The following SEMA6A variants were observed in gnomAD, a reference collection of about 807,000 sequenced individuals.
The protein encoded by SEMA6A is semaphorin-6A.
In SEMA6A, 25 loss-of-function variants were observed where a neutral mutation model predicts 96.8. The ratio of observed to expected loss-of-function variants is 0.26; its 90% CI spans 0.19 to 0.36. The LOEUF is 0.36. Among genes scored for constraint, SEMA6A ranks in the 10% least tolerant of loss-of-function variants. The probability of loss-of-function intolerance (pLI) is 1.00; values close to 1 mark genes in which losing one functional copy is unlikely to be tolerated. For missense variants in SEMA6A, 1,363 were observed against 1,323.1 expected, an observed-to-expected ratio of 1.03 and a Z score of -0.47; for synonymous variants, 612 against 518.0, an observed-to-expected ratio of 1.18 and a Z score of -2.46.
rs140165681 is a variant in SEMA6A, at chr5:116,446,440, C to T, written c.*173G>A. ...CGTTGCAAACCTTCACCAAACCACGCGGCCCAGTTTTCGTGAGTACCCCTG... is the reference window on the plus strand; with the variant it reads ...CGTTGCAAACCTTCACCAAACCACGTGGCCCAGTTTTCGTGAGTACCCCTG... On this transcript the variant is annotated 3_prime_UTR_variant, in exon 19 of 19. Transcript: ENST00000343348. The T allele has an allele frequency of 2.6e-3, 1,384 of 526,378 alleles. 5 individuals are homozygous for T. The highest frequency in any genetic ancestry group is 0.015 in the African/African-American group (805 of 52,330). The allele number at this position is 526,378 out of a possible 1,614,324, so 32.6% of individuals were successfully genotyped here.
At chr5:116,463,018 G>A (rs59197344) in intron 18 of SEMA6A, among the ~76,000 whole-genome samples, 62,950 of 151,874 alleles carry the variant, frequency 0.41, 13,324 homozygotes, top group East Asian at 0.65. Context: ...ACTTTTCAAC[G>A]ATAAAATGTA....
Position 116,482,584 on chromosome 5 carries a change from T to C in SEMA6A, c.963-9A>G. The C allele has an allele frequency of 6.2e-7, 1 of 1,613,224 alleles. No individual in the cohort carries two copies. On this transcript the variant is annotated splice_polypyrimidine_tract_variant and intron_variant, in intron 10 of 18. Coordinates refer to ENST00000343348, the MANE Select transcript of SEMA6A (RefSeq NM_020796.5). ...CTGCAGACCCAGGGATGCTACAACA[T>C]GATATTTCACATCAAGTGTTACTCA...
intron 6 of SEMA6A, 148 bp from the exon 7 acceptor site, chr5:116,491,978 T>A: frequency 3.1e-6 from 2 of 641,110 alleles, no homozygotes; most frequent in South Asian, 3.8e-5. Context: ...AAACTGTAGT[T>A]GAGAATCACA....
intron 1 of SEMA6A, among the ~76,000 whole-genome samples, chr5:116,517,466 T>A (rs60428629): frequency 0.053 from 7,923 of 148,270 alleles, 716 homozygotes; most frequent in African/African-American, 0.18. Context: ...TCACAGAATT[T>A]AAAAAAAAAA....
intron 1 of SEMA6A, among the ~76,000 whole-genome samples, chr5:116,535,212 GGA>G (rs1452759665): frequency 6.6e-6 from 1 of 152,180 alleles, no homozygotes; most frequent in African/African-American, 2.4e-5. Context: ...GTGATGGTGG[GGA>G]GAGTTTTACC....
At chr5:116,463,353 AG>A (rs530684158) in intron 18 of SEMA6A, among the ~76,000 whole-genome samples, 37 of 152,370 alleles carry the variant, frequency 2.4e-4, no homozygotes, top group African/African-American at 7.9e-4. Context: ...ATACTGCTGT[AG>A]GCTACTGCAA....
At chr5:116,477,793 A>G (rs1427521878) in intron 15 of SEMA6A, 53 bp downstream of exon 15, 1 of 1,562,264 alleles carries the variant, frequency 6.4e-7, no homozygotes, top group Admixed American at 1.7e-5. Flanking sequence ...TACATCTAGA[A>G]TACACCTTGG....
At chr5:116,488,012 G>T in intron 9 of SEMA6A, 96 bp downstream of exon 9, 1 of 759,540 alleles carries the variant, frequency 1.3e-6, no homozygotes, top group Non-Finnish European at 2.2e-6. Flanking sequence ...TTAGATTTAT[G>T]GCTCTCATTT....
chr5:116,464,875 C>G (rs1262320983), intron 18 of SEMA6A, among the ~76,000 whole-genome samples: 2 of 152,170 alleles, frequency 1.3e-5, no homozygotes, highest in Non-Finnish European at 2.9e-5. Context: ...CATGGGCATG[C>G]CTTGCTCACT....
At chr5:116,553,980 C>T (rs1760513579) in intron 1 of SEMA6A, among the ~76,000 whole-genome samples, 1 of 152,106 alleles carries the variant, frequency 6.6e-6, no homozygotes, top group South Asian at 2.1e-4. Flanking sequence ...ATGGATCGTT[C>T]TTAAATCTGT....
At chr5:116,549,548 T>C (rs988615406) in intron 1 of SEMA6A, among the ~76,000 whole-genome samples, 1 of 152,182 alleles carries the variant, frequency 6.6e-6, no homozygotes, top group South Asian at 2.1e-4. Context: ...TCCACCAACA[T>C]TGCCCAGACA....
chr5:116,468,608 G>A (rs1444216228), intron 17 of SEMA6A: 2 of 152,186 alleles, frequency 1.3e-5, no homozygotes, highest in Non-Finnish European at 2.9e-5. Context: ...CTGTGAATTC[G>A]TTTGTAAGCT....
chr5:116,488,338 T>C (rs1296874270), intron 8 of SEMA6A, 142 bp from the exon 9 acceptor site: 4 of 583,864 alleles, frequency 6.9e-6, no homozygotes, highest in Non-Finnish European at 1.2e-5. Flanking sequence ...TCAAATGACT[T>C]CACACATGCA....
intron 18 of SEMA6A, among the ~76,000 whole-genome samples, chr5:116,456,371 C>A (rs1755011260): frequency 6.6e-6 from 1 of 152,136 alleles, no homozygotes; most frequent in Non-Finnish European, 1.5e-5. Context: ...AATAATATTC[C>A]AGAAAACATA....
chr5:116,556,789 C>T (rs1249791554), intron 1 of SEMA6A, among the ~76,000 whole-genome samples: 1 of 152,112 alleles, frequency 6.6e-6, no homozygotes, highest in African/African-American at 2.4e-5. Context: ...TTTGGAAAAC[C>T]ACTGTTACCA....
chr5:116,484,434 C>A (rs992273985), intron 10 of SEMA6A, among the ~76,000 whole-genome samples: 2 of 152,122 alleles, frequency 1.3e-5, no homozygotes, highest in African/African-American at 4.8e-5. Flanking sequence ...AGAACCCCTA[C>A]TTAAGGCAGT....
intron 1 of SEMA6A, among the ~76,000 whole-genome samples, chr5:116,561,915 T>C (rs999801667): frequency 6.6e-6 from 1 of 152,140 alleles, no homozygotes; most frequent in African/African-American, 2.4e-5. Flanking sequence ...TAGATAAAAG[T>C]TGACTTTTTA....
At chr5:116,535,209 T>G (rs1315716957) in intron 1 of SEMA6A, among the ~76,000 whole-genome samples, 3 of 152,002 alleles carry the variant, frequency 2.0e-5, no homozygotes, top group African/African-American at 7.2e-5. Context: ...GGAGTGATGG[T>G]GGGGAGAGTT....
intron 15 of SEMA6A, among the ~76,000 whole-genome samples, chr5:116,477,141 T>G (rs907078038): frequency 4.6e-5 from 7 of 152,216 alleles, no homozygotes; most frequent in African/African-American, 9.6e-5. Context: ...AGATAAACAT[T>G]GAATACTTCT....
Sources: gnomAD v4.1 joint callset for allele counts (sites outside exome capture counted in the v4.1 genomes callset) on GRCh38, gnomAD v4.1.1 for gene constraint, MANE v1.5 for transcripts, NCBI Gene and HGNC (gene_info 2026-07-23, HGNC 2026-07-21) for gene names.